The following FIG4 variants were observed in gnomAD, a reference collection of about 807,000 sequenced individuals.
FIG4 encodes polyphosphoinositide phosphatase.
A neutral mutation model predicts 118.6 loss-of-function variants in FIG4; 112 were observed. That is an observed-to-expected ratio of 0.94 (90% CI 0.81 to 1.11). The LOEUF is 1.11. Ranked by LOEUF, FIG4 falls within the 50% of genes least tolerant of loss-of-function variation. The pLI, the probability that FIG4 is intolerant of heterozygous loss-of-function variation, is 0.00. For missense variants in FIG4, 969 were observed against 1,111.7 expected, an observed-to-expected ratio of 0.87 and a Z score of 1.83; for synonymous variants, 369 against 381.2, an observed-to-expected ratio of 0.97 and a Z score of 0.37.
chr6:109,791,593 G>A (rs939034968), intron 20 of FIG4, 22 bp downstream of exon 20: 2 of 1,610,220 alleles, frequency 1.2e-6, no homozygotes, highest in Non-Finnish European at 1.7e-6. Flanking sequence ...GGAAGCCTGT[G>A]GCATCCAGCC....
chr6:109,813,938 A>G (rs1562698264), intron 22 of FIG4, among the ~76,000 whole-genome samples: 1 of 152,200 alleles, frequency 6.6e-6, no homozygotes, highest in Non-Finnish European at 1.5e-5. Context: ...GCTGTAATCA[A>G]CAGATTGACT....
chr6:109,754,555 G>T (rs1295273668), intron 10 of FIG4, among the ~76,000 whole-genome samples: 1 of 152,214 alleles, frequency 6.6e-6, no homozygotes, highest in Non-Finnish European at 1.5e-5. Flanking sequence ...ATTTTGCTGT[G>T]AATCCATCTG....
At chr6:109,743,448 G>T in intron 9 of FIG4, 176 bp downstream of exon 9, 1 of 676,182 alleles carries the variant, frequency 1.5e-6, no homozygotes, top group East Asian at 2.7e-5. Flanking sequence ...GTTTAATTTT[G>T]ACTGTTAAAT....
intron 1 of FIG4, among the ~76,000 whole-genome samples, chr6:109,696,481 A>G (rs1455145356): frequency 6.6e-6 from 1 of 152,256 alleles, no homozygotes; most frequent in East Asian, 1.9e-4. Flanking sequence ...AAGATGTGGA[A>G]TCAGCCTAAA....
chr6:109,758,402 C>CATAT (rs751203322), intron 10 of FIG4, among the ~76,000 whole-genome samples: 19 of 144,230 alleles, frequency 1.3e-4, no homozygotes, highest in Non-Finnish European at 3.0e-4. Context: ...ACTGGCTAGC[C>CATAT]ATATGCAGAA....
chr6:109,806,739 A>G (rs1186798684), intron 22 of FIG4, among the ~76,000 whole-genome samples: 2 of 151,914 alleles, frequency 1.3e-5, no homozygotes, highest in African/African-American at 2.4e-5. Context: ...CCCATCATCT[A>G]CATTAGGTAT....
At chr6:109,700,272 T>G (rs1535420) in intron 1 of FIG4, among the ~76,000 whole-genome samples, 4,215 of 152,236 alleles carry the variant, frequency 0.028, 98 homozygotes, top group East Asian at 0.11. Context: ...AGTCAAAAGA[T>G]TAATGACAGA....
intron 22 of FIG4, among the ~76,000 whole-genome samples, chr6:109,817,442 G>T (rs965298404): frequency 3.3e-5 from 5 of 152,000 alleles, no homozygotes; most frequent in African/African-American, 1.2e-4. Flanking sequence ...TTTATAAATT[G>T]CATTCTGAAT....
At chr6:109,786,538 A>G (rs376989593) in intron 18 of FIG4, 89 bp downstream of exon 18, 1 of 1,442,032 alleles carries the variant, frequency 6.9e-7, no homozygotes, top group Non-Finnish European at 9.7e-7. Context: ...CCAGAAATCC[A>G]TTCTGTAGGC....
intron 22 of FIG4, among the ~76,000 whole-genome samples, chr6:109,822,787 G>GTATA (rs10523453): frequency 0.012 from 1,478 of 119,806 alleles, 18 homozygotes; most frequent in African/African-American, 0.023. Flanking sequence ...GTGTGTGTAT[G>GTATA]TATATATATA....
intron 7 of FIG4, among the ~76,000 whole-genome samples, chr6:109,740,310 C>T (rs1490603545): frequency 1.3e-5 from 2 of 152,034 alleles, no homozygotes; most frequent in African/African-American, 4.8e-5. Flanking sequence ...TTTTAAAGCT[C>T]GTAAGTTTAA....
chr6:109,775,033 A>G (rs1045887530), intron 15 of FIG4, among the ~76,000 whole-genome samples: 1 of 152,236 alleles, frequency 6.6e-6, no homozygotes, highest in Non-Finnish European at 1.5e-5. Flanking sequence ...TGTAGTCAGT[A>G]GTAAAATTGG....
At chr6:109,763,864 C>A in intron 12 of FIG4, 73 bp from the exon 13 acceptor site, 2 of 1,005,928 alleles carry the variant, frequency 2.0e-6, no homozygotes, top group Non-Finnish European at 3.2e-6. Context: ...TGATTCTTAA[C>A]AAGGATCTGG....
rs974465297 is a variant in FIG4, at chr6:109,791,227, T to C, written c.2181-149T>C. ...ATGGACATGGAGAAATATGAACCTTTTCCCTGTAGCACAACCTGAATCCAG... is the reference window on the plus strand; with the variant it reads ...ATGGACATGGAGAAATATGAACCTTCTCCCTGTAGCACAACCTGAATCCAG... On this transcript the variant is annotated intron_variant, in intron 19 of 22. Transcript: ENST00000230124. 1.0e-5 allele frequency: 7 copies of C among 699,742 alleles called. No homozygotes were observed. The African/African-American group carries it at 1.1e-4, about 11-fold the overall frequency. 43.3% of individuals were successfully genotyped at this position (699,742 alleles called of 1,614,324 possible).
intron 7 of FIG4, 90 bp from the exon 8 acceptor site, chr6:109,741,354 C>T (rs1428760633): frequency 1.2e-6 from 1 of 856,078 alleles, no homozygotes; most frequent in Non-Finnish European, 2.0e-6. Context: ...ATTGGACAAG[C>T]TGTATCTAAA....
chr6:109,794,402 G>A (rs921897463), intron 21 of FIG4, among the ~76,000 whole-genome samples: 5 of 152,176 alleles, frequency 3.3e-5, no homozygotes, highest in African/African-American at 1.2e-4. Context: ...CTTGGGGGAA[G>A]GGGAGAAACG....
rs188547769 is a variant in FIG4, at chr6:109,762,168, G to T, written c.1349G>T (p.Arg450Leu). ...AAGAAAACAGGTTTCTTTGTAAACC[G>T]CCCTGATTCTTACTGTAGCATTTTG... is the stretch of plus-strand genomic sequence containing the variant. ...VVKKTGFFVN[R>L]PDSYCSILRP... Residue 450 changes from arginine to leucine, a missense_variant, in exon 12 of 23, where the codon CGC (arginine) becomes CTC (leucine). By Grantham distance (102) the Arg-to-Leu change is moderately radical. Transcript: ENST00000230124. 6.2e-7 allele frequency: 1 copy of T among 1,612,538 alleles called. No homozygotes were observed. Among genetic ancestry groups the T allele is most frequent in the Non-Finnish European group, 8.5e-7 (1 of 1,178,702 alleles).
intron 15 of FIG4, among the ~76,000 whole-genome samples, chr6:109,768,329 A>C (rs1777345575): frequency 6.6e-6 from 1 of 152,234 alleles, no homozygotes; most frequent in South Asian, 2.1e-4. Context: ...CAGTGCTGGC[A>C]GCTTCAGAAG....
chr6:109,808,216 G>A (rs1778622170), intron 22 of FIG4, among the ~76,000 whole-genome samples: 1 of 151,974 alleles, frequency 6.6e-6, no homozygotes, highest in African/African-American at 2.4e-5. Context: ...TCCTCAAAAG[G>A]TGGTCTGCAA....
Sources: gnomAD v4.1 joint callset for allele counts (sites outside exome capture counted in the v4.1 genomes callset) on GRCh38, gnomAD v4.1.1 for gene constraint, MANE v1.5 for transcripts, NCBI Gene and HGNC (gene_info 2026-07-23, HGNC 2026-07-21) for gene names.